The following DHX16 variants were observed in gnomAD, a reference collection of about 807,000 sequenced individuals.
The protein encoded by DHX16 is DEAH-box helicase 16, also known as pre-mRNA-splicing factor ATP-dependent RNA helicase DHX16.
Under a neutral mutation model 131.2 loss-of-function variants are expected in DHX16, and 81 were observed. That is an observed-to-expected ratio of 0.62 (90% CI 0.52 to 0.74). The LOEUF is 0.74. Among genes scored for constraint, DHX16 ranks in the 30% least tolerant of loss-of-function variants. DHX16 has a pLI of 0.00. For synonymous variants in DHX16, 440 were observed against 520.2 expected (o/e 0.85, Z 2.10); for missense variants, 980 against 1,363.1 (o/e 0.72, Z 4.43).
At chr6:30,664,495 A>G (rs994613733) in intron 7 of DHX16, among the ~76,000 whole-genome samples, 5 of 151,110 alleles carry the variant, frequency 3.3e-5, no homozygotes, top group African/African-American at 1.2e-4. Context: ...AAAAAAAAAA[A>G]CTAACAAAAA....
rs765802560 is a variant in DHX16, at chr6:30,656,519, G to A, written c.2312-10C>T. The A allele has an allele frequency of 6.3e-5, 101 of 1,614,002 alleles. No homozygotes were observed. The highest frequency in any genetic ancestry group is 4.9e-4 in the Middle Eastern group (3 of 6,084). ...ATTAGGTCATGGATCCCTAGAAAGA[G>A]GTGTGATGGATGGAACAGAGTCCCT... On this transcript the variant is annotated splice_polypyrimidine_tract_variant and intron_variant, in intron 14 of 19. Transcript: ENST00000376442. This position sits in a 1 kb window ranked among gnomAD's most constrained non-coding sequence, Gnocchi z 5.1.
chr6:30,655,836 C>T (rs1045628287), intron 16 of DHX16, among the ~76,000 whole-genome samples: 1 of 152,190 alleles, frequency 6.6e-6, no homozygotes, highest in African/African-American at 2.4e-5. Context: ...GAGCAGGAAA[C>T]ACCGGGGAAT....
chr6:30,661,072 T>C (rs902515579), intron 9 of DHX16, among the ~76,000 whole-genome samples: 9 of 150,820 alleles, frequency 6.0e-5, no homozygotes, highest in African/African-American at 1.7e-4. Flanking sequence ...TAATTTTTTG[T>C]ATTTTTAGTA....
At position 30,670,715 on chromosome 6, in the gene DHX16, T is replaced by A. The variant is rs949285768; in HGVS notation, c.609+75A>T. 5.7e-6 allele frequency: 9 copies of A among 1,586,068 alleles called. No homozygotes were observed. In the African/African-American group the frequency reaches 1.2e-4, roughly 21 times the overall value. Reference sequence around the variant, plus strand: ...CCCCTTGTCTTCCCAGAGATCACTATCTCTGCACTCACAGCCAACCTCAGA... The same window carrying A: ...CCCCTTGTCTTCCCAGAGATCACTAACTCTGCACTCACAGCCAACCTCAGA... On this transcript the variant is annotated intron_variant, in intron 3 of 19. Coordinates refer to ENST00000376442, the MANE Select transcript of DHX16 (RefSeq NM_003587.5). The surrounding 1 kb of genome is among the most constrained non-coding windows in gnomAD (Gnocchi z 4.4).
At position 30,654,942 on chromosome 6, in the gene DHX16, CACT is replaced by C. The variant is rs1767828619; in HGVS notation, c.2824-66_2824-64del. The C allele has an allele frequency of 1.3e-5, 20 of 1,529,696 alleles. No individual in the cohort carries two copies. The East Asian group carries it at 4.6e-4, about 35-fold the overall frequency. 94.8% of individuals were successfully genotyped at this position (1,529,696 alleles called of 1,614,324 possible). Reference sequence around the variant, plus strand: ...CAGACATCTGGGGACCCTAAGAATGCACTACCTTTTTAGTTCAGGCTTCAGGAA... The same window carrying C: ...CAGACATCTGGGGACCCTAAGAATGCACCTTTTTAGTTCAGGCTTCAGGAA... On this transcript the variant is annotated intron_variant, in intron 18 of 19. Transcript: ENST00000376442.
chr6:30,654,988 A>C, intron 18 of DHX16, 109 bp from the exon 19 acceptor site: 1 of 1,410,944 alleles, frequency 7.1e-7, no homozygotes, highest in Non-Finnish European at 9.6e-7. Flanking sequence ...GAGGTAAGGA[A>C]TGCATGAAGA....
rs747428805 is a variant in DHX16, at chr6:30,659,507, G to A, written c.1972C>T (p.Arg658Cys). The A allele has an allele frequency of 1.2e-5, 19 of 1,604,704 alleles. No homozygotes were observed. Among genetic ancestry groups the A allele is most frequent in the Non-Finnish European group, 1.4e-5 (16 of 1,176,138 alleles). ...CCAGGTGGTGTGGGCTGGAAGATAC[G>A]GGCCTGCATGTCAGAGGGCAGATTG... ...YANLPSDMQARIFQPTPPGAR... is the reference protein window; with the variant it reads ...YANLPSDMQACIFQPTPPGAR... The change falls in exon 12 of 20, where the codon CGT becomes TGT. Residue 658 changes from arginine to cysteine, a missense_variant. Physicochemically the swap from Arg to Cys is radical, Grantham distance 180. This residue lies in a region of DHX16 where 309 missense variants were observed against 537.1 expected (regional missense o/e 0.58). Coordinates refer to ENST00000376442, the MANE Select transcript of DHX16 (RefSeq NM_003587.5).
intron 4 of DHX16, among the ~76,000 whole-genome samples, chr6:30,666,861 G>A (rs1458443091): frequency 6.6e-6 from 1 of 152,114 alleles, no homozygotes; most frequent in Admixed American, 6.6e-5. Context: ...GTTCTATTTA[G>A]TTGTTTGGCT....
At position 30,653,315 on chromosome 6, in the gene DHX16, G is replaced by A. The variant is rs763413391; in HGVS notation, c.3053C>T (p.Ala1018Val). ...AGCATGGGGATCTTCTAGCTCCTTG[G>A]CCTTATAATAATGGGGAGCCACCTC... The part of the protein sequence containing the change: ...LLEVAPHYYK[A>V]KELEDPHAKK... Residue 1018 changes from alanine (A) to valine (V), a missense_variant, in exon 20 of 20, where the codon GCC (alanine) becomes GTC (valine). Ala to Val is a moderately conservative substitution (Grantham distance 64). Coordinates refer to ENST00000376442, the MANE Select transcript of DHX16 (RefSeq NM_003587.5). 3 of 1,612,700 alleles carry A rather than the reference G, an allele frequency of 1.9e-6. No individual in the cohort carries two copies. Among genetic ancestry groups the A allele is most frequent in the Non-Finnish European group, 2.5e-6 (3 of 1,179,960 alleles).
Position 30,662,659 on chromosome 6 carries a change from C to T in DHX16, c.1512G>A (p.Glu504=), listed in dbSNP as rs1768619693. 6.2e-7 allele frequency: 1 copy of T among 1,613,118 alleles called. No individual in the cohort carries two copies. The highest frequency in any genetic ancestry group is 8.5e-7 in the Non-Finnish European group (1 of 1,180,036). The change falls in exon 9 of 20, where the codon GAG becomes GAA. Residue 504 remains glutamate (E), a synonymous_variant. Coordinates refer to ENST00000376442, the MANE Select transcript of DHX16 (RefSeq NM_003587.5). The surrounding 1 kb of genome is among the most constrained non-coding windows in gnomAD (Gnocchi z 4.7). ...RYMTDGMLLR[E]FLSEPDLASY... ...TCGCCAGGTCAGGCTCAGAGAGGAA[C>T]TCCCGGAGAAGCATCCCATCTGTCA...
chr6:30,655,399 A>G (rs1279746760), intron 17 of DHX16, 36 bp downstream of exon 17: 1 of 1,613,848 alleles, frequency 6.2e-7, no homozygotes, highest in Non-Finnish European at 8.5e-7. Flanking sequence ...AAAGTCCCCC[A>G]GTGTCTCTCA....
intron 4 of DHX16, among the ~76,000 whole-genome samples, chr6:30,666,382 AC>A (rs939006589): frequency 1.3e-5 from 2 of 152,186 alleles, no homozygotes; most frequent in African/African-American, 4.8e-5. Context: ...TTTGATACAA[AC>A]TTTTCAGGAC....
rs750605720 is a variant in DHX16, at chr6:30,656,690, C to T, written c.2218G>A (p.Ala740Thr). Reference sequence around the variant, plus strand: ...TCAAGCTCGTGCTGATAGGCCCAGGCGGTATACAGGCGGAAGCACTTCCCT... The same window carrying T: ...TCAAGCTCGTGCTGATAGGCCCAGGTGGTATACAGGCGGAAGCACTTCCCT... The part of the protein sequence containing the change: ...AAGKCFRLYT[A>T]WAYQHELEET... The change falls in exon 14 of 20, where the codon GCC (alanine) becomes ACC (threonine). Residue 740 changes from alanine (A) to threonine (T), a missense_variant. By Grantham distance (58) the Ala-to-Thr change is moderately conservative (BLOSUM62 0). Around this residue, in one of 3 missense-constraint regions of DHX16, gnomAD observed 309 missense variants for 537.1 expected, o/e 0.58. Transcript: ENST00000376442. The surrounding 1 kb of genome is among the most constrained non-coding windows in gnomAD (Gnocchi z 5.1). 1.3e-5 allele frequency: 21 copies of T among 1,613,754 alleles called. No homozygotes were observed. The highest frequency in any genetic ancestry group is 1.6e-4 in the Middle Eastern group (1 of 6,062).
At chr6:30,659,438 A>T in intron 12 of DHX16, 34 bp downstream of exon 12, 1 of 1,562,026 alleles carries the variant, frequency 6.4e-7, no homozygotes, top group Non-Finnish European at 8.7e-7. Flanking sequence ...TGTGGGAAGC[A>T]TAGGGGTGAA....
Position 30,662,599 on chromosome 6 carries a change from G to C in DHX16, c.1544+28C>G, listed in dbSNP as rs1282457927. On this transcript the variant is annotated intron_variant, in intron 9 of 19. Coordinates refer to ENST00000376442, the MANE Select transcript of DHX16 (RefSeq NM_003587.5). This position sits in a 1 kb window ranked among gnomAD's most constrained non-coding sequence, Gnocchi z 4.7. ...GCTGAATTGGCTGGGTGGGAAGAAG[G>C]GAGAGAAAGGCCAGAGATTAGAGAT... 3.8e-6 allele frequency: 6 copies of C among 1,572,456 alleles called. No homozygotes were observed. The South Asian group carries it at 6.7e-5, about 17-fold the overall frequency.
At position 30,662,632 on chromosome 6, in the gene DHX16, A is replaced by G; in HGVS notation, c.1539T>C (p.Ser513=). ...REFLSEPDLA[S]YSVVMVDEAH... ...AGGCCAGAGATTAGAGATACCTGTA[A>G]CTCGCCAGGTCAGGCTCAGAGAGGA... The change falls in exon 9 of 20, where the codon AGT becomes AGC. Residue 513 remains serine, a synonymous_variant. Transcript: ENST00000376442. This position sits in a 1 kb window ranked among gnomAD's most constrained non-coding sequence, Gnocchi z 4.7. 6.2e-7 allele frequency: 1 copy of G among 1,612,376 alleles called. No individual in the cohort carries two copies. The highest frequency in any genetic ancestry group is 8.5e-7 in the Non-Finnish European group (1 of 1,179,394).
Position 30,664,940 on chromosome 6 carries a change from T to G in DHX16, c.1178A>C (p.Gln393Pro). Residue 393 changes from glutamine (Q) to proline (P), a missense_variant, in exon 7 of 20, where the codon CAG becomes CCG. Coordinates refer to ENST00000376442, the MANE Select transcript of DHX16 (RefSeq NM_003587.5). ...CACCGGGAGGCTGCGGCGGACGGCC[T>G]GGATGGACTCTTTCTGCTGGGCCTG... Reference protein sequence around the residue: ...STQAQQKESIQAVRRSLPVFP... With the variant: ...STQAQQKESIPAVRRSLPVFP... 6.2e-7 allele frequency: 1 copy of G among 1,613,858 alleles called. No individual in the cohort carries two copies. Among genetic ancestry groups the G allele is most frequent in the Non-Finnish European group, 8.5e-7 (1 of 1,180,016 alleles).
Position 30,662,832 on chromosome 6 carries a change from T to C in DHX16, c.1428+79A>G. ...GGTGAAGTGGGGCAGCACCAAGACT[T>C]CTGCTGTAGGGACCTGAGGGAACTG... On this transcript the variant is annotated intron_variant, in intron 8 of 19. Transcript: ENST00000376442. This position sits in a 1 kb window ranked among gnomAD's most constrained non-coding sequence, Gnocchi z 4.7. 1 of 1,550,614 alleles carries C rather than the reference T, an allele frequency of 6.4e-7. No homozygotes were observed. Among genetic ancestry groups the C allele is most frequent in the African/African-American group, 1.4e-5 (1 of 73,712 alleles).
intron 12 of DHX16, 36 bp from the exon 13 acceptor site, chr6:30,657,128 ACC>A: frequency 1.3e-6 from 2 of 1,578,924 alleles, no homozygotes; most frequent in Non-Finnish European, 1.7e-6. Flanking sequence ...CAGTGACCCC[ACC>A]TACCTAGTTA....
Sources: allele counts gnomAD v4.1 joint callset (sites outside exome capture counted in the v4.1 genomes callset), GRCh38; gene constraint gnomAD v4.1.1; regional missense constraint gnomAD v4.1.1; non-coding constraint Gnocchi (gnomAD v3.1); transcripts MANE v1.5; gene names NCBI Gene and HGNC (gene_info 2026-07-23, HGNC 2026-07-21).